The following FBXL2 variants were observed in gnomAD, a reference collection of about 807,000 sequenced individuals.
The protein encoded by FBXL2 is F-box and leucine rich repeat protein 2.
In FBXL2, 38 loss-of-function variants were observed where a neutral mutation model predicts 69.2. The ratio of observed to expected loss-of-function variants is 0.55; its 90% CI spans 0.42 to 0.72. FBXL2 has a LOEUF of 0.72. FBXL2 is among the 30% of genes least tolerant of loss of function. The probability of loss-of-function intolerance (pLI) is 0.00; values close to 1 mark genes in which losing one functional copy is unlikely to be tolerated. For synonymous variants in FBXL2, 192 were observed against 201.3 expected, an observed-to-expected ratio of 0.95 and a Z score of 0.39; for missense variants, 354 against 520.3, an observed-to-expected ratio of 0.68 and a Z score of 3.11.
intron 12 of FBXL2, chr3:33,397,232 T>C: frequency 1.2e-6 from 1 of 848,414 alleles, no homozygotes. Flanking sequence ...TCCTTCAAAA[T>C]AATCAGATAT....
At chr3:33,412,685 A>C in the FBXL2 span, 2 of 1,291,690 alleles carry the variant, frequency 1.5e-6, no homozygotes, top group Non-Finnish European at 2.3e-6. Flanking sequence ...GCTAAACAAT[A>C]CCCTCATCTC....
the FBXL2 span, among the ~76,000 whole-genome samples, chr3:33,422,513 C>T: frequency 4.6e-5 from 7 of 151,938 alleles, no homozygotes; most frequent in African/African-American, 1.7e-4. Context: ...GCCCAGGAGT[C>T]GGAGATTAGC....
chr3:33,322,983 G>C (rs2038366680), intron 2 of FBXL2, among the ~76,000 whole-genome samples: 1 of 151,974 alleles, frequency 6.6e-6, no homozygotes, highest in Admixed American at 6.6e-5. Context: ...CTAATCTTTT[G>C]TTTCTCTGTT....
chr3:33,293,944 C>T (rs2035500272), intron 1 of FBXL2, among the ~76,000 whole-genome samples: 1 of 152,170 alleles, frequency 6.6e-6, no homozygotes, highest in African/African-American at 2.4e-5. Context: ...GTACATGGAA[C>T]ATTCTTCAGG....
downstream of FBXL2, chr3:33,390,027 G>GAA (rs2043694989): frequency 1.1e-5 from 4 of 352,648 alleles, no homozygotes; most frequent in East Asian, 1.7e-4. Context: ...AGACAGCAAA[G>GAA]GCTGCTTCTA....
intron 5 of FBXL2, among the ~76,000 whole-genome samples, chr3:33,370,210 C>T (rs923964031): frequency 3.2e-4 from 48 of 151,704 alleles, no homozygotes; most frequent in Admixed American, 6.6e-4. Flanking sequence ...GTCAGGAGAT[C>T]GAGACCATCC....
rs2042557662 is a variant in FBXL2 at position 33,375,209 on chromosome 3, C to T, written c.658-79C>T. The T allele has an allele frequency of 3.2e-6, 5 of 1,556,862 alleles. No individual in the cohort carries two copies. In the South Asian group the frequency reaches 4.6e-5, roughly 14 times the overall value. On this transcript the variant is annotated intron_variant, in intron 9 of 14. Transcript: ENST00000484457. The stretch of plus-strand genomic sequence containing the variant: ...GTAATCAGCAACCAAAACTGAACAA[C>T]AGCAGATACTTTTCTGCTGCTCCCG...
Position 33,359,021 on chromosome 3 carries a change from G to A in FBXL2, c.120G>A (p.Lys40=). Residue 40 remains lysine (K), a splice_region_variant and synonymous_variant, in exon 3 of 15, where the codon AAG becomes AAA. Transcript: ENST00000484457. ...VTLCRCAQIS[K]AWNILALDGS... ...TGTGCCGATGTGCACAGATTTCCAAGGTAGAGTATTCACCAGATTTTTTAA... is the reference window on the plus strand; with the variant it reads ...TGTGCCGATGTGCACAGATTTCCAAAGTAGAGTATTCACCAGATTTTTTAA... 6 of 1,532,104 alleles carry A rather than the reference G, an allele frequency of 3.9e-6. No homozygotes were observed. Among genetic ancestry groups the A allele is most frequent in the Non-Finnish European group, 5.3e-6 (6 of 1,131,370 alleles). 94.9% of individuals were successfully genotyped at this position (1,532,104 alleles called of 1,614,324 possible).
chr3:33,397,153 T>C, intron 12 of FBXL2: 1 of 1,552,362 alleles, frequency 6.4e-7, no homozygotes, highest in South Asian at 1.2e-5. Flanking sequence ...AGAGCAAAAA[T>C]ATTTTTCTCA....
At chr3:33,334,895 G>A (rs1370347311) in intron 2 of FBXL2, among the ~76,000 whole-genome samples, 1 of 151,996 alleles carries the variant, frequency 6.6e-6, no homozygotes, top group African/African-American at 2.4e-5. Flanking sequence ...AGCCTGAGCA[G>A]CATAGTGAAA....
rs890430107 is a variant in FBXL2 at position 33,277,621 on chromosome 3, G to T, written c.3+106G>T. 6 of 1,151,164 alleles carry T rather than the reference G, an allele frequency of 5.2e-6. No homozygotes were observed. In the Admixed American group the frequency reaches 1.7e-4, roughly 33 times the overall value. The allele number at this position is 1,151,164 out of a possible 1,614,324, so 71.3% of individuals were successfully genotyped here. A position where few individuals can be genotyped will look rare whatever the true frequency, so the allele number is the denominator to read the frequency against. ...TCGGGCAGGCGGCGCAGGGGTCGTG[G>T]AGAGGCCGGGCCGCGGCCTGCGAGG... On this transcript the variant is annotated intron_variant, in intron 1 of 14. Coordinates refer to ENST00000484457, the MANE Select transcript of FBXL2 (RefSeq NM_012157.5).
intron 2 of FBXL2, among the ~76,000 whole-genome samples, chr3:33,335,795 A>C (rs2039531035): frequency 6.6e-6 from 1 of 152,212 alleles, no homozygotes; most frequent in East Asian, 1.9e-4. Flanking sequence ...GATTAAATGT[A>C]AATGAGTCTA....
chr3:33,409,300 T>C, the FBXL2 span: 1 of 1,614,096 alleles, frequency 6.2e-7, no homozygotes, highest in East Asian at 2.2e-5. Context: ...TGTTCTCTTC[T>C]CCATCTTCTC....
intron 12 of FBXL2, chr3:33,396,975 T>G (rs976171241): frequency 9.8e-6 from 14 of 1,423,572 alleles, no homozygotes; most frequent in African/African-American, 1.4e-5. Flanking sequence ...TGGAAACACA[T>G]TCTGCCCAAA....
At chr3:33,409,363 A>C in the FBXL2 span, 1 of 1,614,006 alleles carries the variant, frequency 6.2e-7, no homozygotes, top group Non-Finnish European at 8.5e-7. Context: ...AACAAAGTAT[A>C]CTATTTCATC....
At chr3:33,350,333 G>A (rs913624890) in intron 2 of FBXL2, among the ~76,000 whole-genome samples, 1 of 150,630 alleles carries the variant, frequency 6.6e-6, no homozygotes, top group East Asian at 1.9e-4. Flanking sequence ...GGCAAATTGT[G>A]GCACCCACTC....
intron 2 of FBXL2, among the ~76,000 whole-genome samples, chr3:33,334,150 A>G (rs546945845): frequency 2.0e-5 from 3 of 152,220 alleles, no homozygotes; most frequent in Non-Finnish European, 4.4e-5. Context: ...AATGTGTTCT[A>G]AAATTATGAG....
At chr3:33,315,472 T>TC (rs1185011121) in intron 2 of FBXL2, among the ~76,000 whole-genome samples, 1 of 152,060 alleles carries the variant, frequency 6.6e-6, no homozygotes, top group African/African-American at 2.4e-5. Flanking sequence ...ATGTGCTTTT[T>TC]CCAAAGTTGG....
chr3:33,378,954 G>T, intron 13 of FBXL2: 1 of 876,062 alleles, frequency 1.1e-6, no homozygotes, highest in South Asian at 2.0e-5. Flanking sequence ...AAAGAGAAAT[G>T]TCCAGATCCA....
Sources: gnomAD v4.1 joint callset for allele counts (sites outside exome capture counted in the v4.1 genomes callset) on GRCh38, gnomAD v4.1.1 for gene constraint, MANE v1.5 for transcripts, NCBI Gene and HGNC (gene_info 2026-07-23, HGNC 2026-07-21) for gene names.